The following GRAMD1C variants were observed in gnomAD, a reference collection of about 807,000 sequenced individuals.
GRAMD1C encodes the protein protein Aster-C.
In GRAMD1C, 89 loss-of-function variants were observed where a neutral mutation model predicts 97.8. The ratio of observed to expected loss-of-function variants is 0.91; its 90% CI spans 0.77 to 1.09. The LOEUF is 1.09. Among genes scored for constraint, GRAMD1C ranks in the 50% least tolerant of loss-of-function variants. The pLI, the probability that GRAMD1C is intolerant of heterozygous loss-of-function variation, is 0.00. For missense variants in GRAMD1C, 740 were observed against 766.4 expected, an observed-to-expected ratio of 0.97 and a Z score of 0.41; for synonymous variants, 256 against 267.0, an observed-to-expected ratio of 0.96 and a Z score of 0.40.
At chr3:113,864,943 C>G (rs185560176) in intron 2 of GRAMD1C, among the ~76,000 whole-genome samples, 21 of 152,278 alleles carry the variant, frequency 1.4e-4, no homozygotes, top group Admixed American at 9.2e-4. Flanking sequence ...TCCCAATTTT[C>G]TGTCTTACCC....
intron 2 of GRAMD1C, chr3:113,850,849 A>AGG (rs1174662658): frequency 2.6e-6 from 1 of 389,678 alleles, no homozygotes; most frequent in Non-Finnish European, 4.3e-6. Flanking sequence ...TCACCCAGGC[A>AGG]GGAGTGCAGT....
intron 14 of GRAMD1C, 112 bp downstream of exon 14, chr3:113,936,554 T>G: frequency 3.1e-6 from 2 of 636,266 alleles, no homozygotes. Context: ...CTTCCCTCCT[T>G]TTTGGATAAT....
chr3:113,836,089 G>A (rs185905061), upstream of GRAMD1C, among the ~76,000 whole-genome samples: 476 of 151,834 alleles, frequency 3.1e-3, 1 homozygote, highest in African/African-American at 0.011. Context: ...CATGGTGAAA[G>A]CCCATCTCTA....
At chr3:113,894,480 T>C (rs1196210470) in intron 6 of GRAMD1C, among the ~76,000 whole-genome samples, 1 of 152,198 alleles carries the variant, frequency 6.6e-6, no homozygotes, top group Non-Finnish European at 1.5e-5. Flanking sequence ...GGTTTCACCA[T>C]GTTGGCCAGG....
intron 13 of GRAMD1C, among the ~76,000 whole-genome samples, chr3:113,935,034 G>A (rs537195140): frequency 4.7e-4 from 72 of 152,130 alleles, no homozygotes; most frequent in Non-Finnish European, 7.4e-4. Context: ...AGGCACCACC[G>A]TGCCTGGCCG....
In GRAMD1C at chr3:113,832,482, C is replaced by A. The variant is rs578142180; in HGVS notation, n.98+4203C>A. Among the ~76,000 whole-genome samples the A allele has an allele frequency of 1.2e-4, 18 of 152,172 alleles. 1 individual carries two copies. Among genetic ancestry groups the A allele is most frequent in the Admixed American group, 7.2e-4 (11 of 15,278 alleles). Reference sequence around the variant, plus strand: ...ACAAGATAAAATTAACCATTTTATCCATTTCAAGTATGGTTCAGTGACATT... The same window carrying A: ...ACAAGATAAAATTAACCATTTTATCAATTTCAAGTATGGTTCAGTGACATT... On this transcript the variant is annotated intron_variant and non_coding_transcript_variant, in intron 1 of 18. Coordinates refer to the GRAMD1C transcript ENST00000479212.
At chr3:113,901,686 G>C (rs1284090205) in intron 7 of GRAMD1C, among the ~76,000 whole-genome samples, 1 of 152,142 alleles carries the variant, frequency 6.6e-6, no homozygotes, top group Non-Finnish European at 1.5e-5. Flanking sequence ...AGAGTACAGA[G>C]AGACTATTTT....
intron 10 of GRAMD1C, among the ~76,000 whole-genome samples, chr3:113,922,783 T>A (rs115990310): frequency 0.018 from 2,761 of 152,322 alleles, 131 homozygotes; most frequent in Admixed American, 0.1. Context: ...TGTATGAATT[T>A]TAGAATAGTT....
intron 15 of GRAMD1C, chr3:113,939,661 C>T (rs1293967156): frequency 7.4e-6 from 3 of 407,470 alleles, no homozygotes; most frequent in Non-Finnish European, 1.3e-5. Context: ...TATTCAAGGA[C>T]TTGTATTGTC....
intron 2 of GRAMD1C, among the ~76,000 whole-genome samples, chr3:113,849,047 A>G (rs186176945): frequency 1.3e-4 from 20 of 152,242 alleles, no homozygotes; most frequent in African/African-American, 4.6e-4. Flanking sequence ...GGCTAGAGTA[A>G]TAGTATATTC....
intron 1 of GRAMD1C, among the ~76,000 whole-genome samples, chr3:113,828,431 A>C (rs1709515059): frequency 1.3e-5 from 2 of 152,208 alleles, no homozygotes; most frequent in African/African-American, 4.8e-5. Context: ...GAAACCATGA[A>C]ATAATGAATG....
At chr3:113,856,433 G>C (rs2107344122) in intron 2 of GRAMD1C, among the ~76,000 whole-genome samples, 1 of 152,208 alleles carries the variant, frequency 6.6e-6, no homozygotes, top group South Asian at 2.1e-4. Context: ...AATTCCTCAT[G>C]TTACCCTTTT....
intron 8 of GRAMD1C, among the ~76,000 whole-genome samples, chr3:113,907,199 G>A (rs543418178): frequency 5.5e-4 from 83 of 152,252 alleles, no homozygotes; most frequent in Non-Finnish European, 7.6e-4. Flanking sequence ...GATCAGTAAT[G>A]ATCCTTTTCC....
intron 13 of GRAMD1C, 69 bp from the exon 14 acceptor site, chr3:113,936,197 C>A: frequency 1.1e-6 from 1 of 878,748 alleles, no homozygotes; most frequent in Non-Finnish European, 1.7e-6. Flanking sequence ...AAATAACCAC[C>A]AAAACCCATT....
intron 10 of GRAMD1C, among the ~76,000 whole-genome samples, chr3:113,923,461 A>T (rs1330528227): frequency 6.6e-6 from 1 of 152,006 alleles, no homozygotes; most frequent in Non-Finnish European, 1.5e-5. Flanking sequence ...TGGTTTGTTG[A>T]GGGTTTTTAA....
intron 9 of GRAMD1C, among the ~76,000 whole-genome samples, chr3:113,910,887 G>A (rs1394819393): frequency 1.3e-5 from 2 of 152,018 alleles, no homozygotes; most frequent in Non-Finnish European, 2.9e-5. Flanking sequence ...GGTGTGCCAA[G>A]CCTACCCAAC....
intron 2 of GRAMD1C, among the ~76,000 whole-genome samples, chr3:113,860,651 G>T (rs1934330564): frequency 6.6e-6 from 1 of 152,134 alleles, no homozygotes; most frequent in Non-Finnish European, 1.5e-5. Flanking sequence ...CAATAATCAA[G>T]ATAGTGTGGA....
intron 6 of GRAMD1C, among the ~76,000 whole-genome samples, chr3:113,891,309 A>C (rs977743692): frequency 1.3e-5 from 2 of 152,206 alleles, no homozygotes; most frequent in Non-Finnish European, 2.9e-5. Flanking sequence ...TAACGTATAA[A>C]TATCTATAAT....
chr3:113,853,006 AT>A, intron 2 of GRAMD1C, among the ~76,000 whole-genome samples: 1 of 152,356 alleles, frequency 6.6e-6, no homozygotes, highest in South Asian at 2.1e-4. Context: ...GATTCAATAA[AT>A]AGTGTATTTG....
Sources: gnomAD v4.1 joint callset for allele counts (sites outside exome capture counted in the v4.1 genomes callset) on GRCh38, gnomAD v4.1.1 for gene constraint, MANE v1.5 for transcripts, NCBI Gene and HGNC (gene_info 2026-07-23, HGNC 2026-07-21) for gene names.